The following TASP1 variants were observed in gnomAD, a reference collection of about 807,000 sequenced individuals.
TASP1 encodes the protein threonine aspartase 1.
In TASP1, 16 loss-of-function variants were observed where a neutral mutation model predicts 56.6. The ratio of observed to expected loss-of-function variants is 0.28; its 90% confidence interval spans 0.19 to 0.43. The LOEUF is 0.43. TASP1 is among the 20% of genes least tolerant of loss of function. TASP1 has a pLI of 1.00. For missense variants in TASP1, 393 were observed against 511.6 expected, an observed-to-expected ratio of 0.77 and a Z score of 2.24; for synonymous variants, 179 against 184.2, an observed-to-expected ratio of 0.97 and a Z score of 0.23.
At chr20:13,358,860 G>A in the TASP1 span, among the ~76,000 whole-genome samples, 3 of 151,548 alleles carry the variant, frequency 2.0e-5, no homozygotes, top group African/African-American at 7.3e-5. Context: ...CTTTTCTGGG[G>A]AAGGGGCAAG....
the TASP1 span, among the ~76,000 whole-genome samples, chr20:13,322,208 A>G: frequency 1.8e-4 from 27 of 152,244 alleles, no homozygotes; most frequent in African/African-American, 6.5e-4. Context: ...ACAGCTTTTT[A>G]GGTCCAAGCA....
At chr20:13,545,217 C>G (rs1016921745) in intron 8 of TASP1, among the ~76,000 whole-genome samples, 7 of 152,008 alleles carry the variant, frequency 4.6e-5, no homozygotes, top group African/African-American at 1.7e-4. Context: ...CTCAATAGAT[C>G]TTATTAGAAA....
At chr20:13,432,775 A>T (rs1409462929) in intron 12 of TASP1, among the ~76,000 whole-genome samples, 1 of 152,194 alleles carries the variant, frequency 6.6e-6, no homozygotes, top group Non-Finnish European at 1.5e-5. Context: ...CTTATCCTTA[A>T]ATATGCATTT....
At chr20:13,118,647 T>G in the TASP1 span, among the ~76,000 whole-genome samples, 8 of 152,048 alleles carry the variant, frequency 5.3e-5, no homozygotes, top group African/African-American at 1.9e-4. Flanking sequence ...AGAGCAGATG[T>G]GACAGTGATG....
At chr20:13,332,538 C>T in the TASP1 span, among the ~76,000 whole-genome samples, 1 of 152,176 alleles carries the variant, frequency 6.6e-6, no homozygotes, top group Non-Finnish European at 1.5e-5. Context: ...GGATCTATAG[C>T]TCATACATGT....
chr20:13,504,417 C>G (rs2044056005), intron 10 of TASP1, among the ~76,000 whole-genome samples: 1 of 151,854 alleles, frequency 6.6e-6, no homozygotes, highest in South Asian at 2.1e-4. Flanking sequence ...GAAAAACAAA[C>G]TTAAAGGAGT....
At chr20:13,167,905 T>G in the TASP1 span, 1 of 152,198 alleles carries the variant, frequency 6.6e-6, no homozygotes, top group Non-Finnish European at 1.5e-5. Context: ...ATAAACCAAT[T>G]GACTCTAATA....
At chr20:13,330,042 T>C in the TASP1 span, among the ~76,000 whole-genome samples, 1 of 152,034 alleles carries the variant, frequency 6.6e-6, no homozygotes, top group Admixed American at 6.5e-5. Context: ...CTGCAACCTC[T>C]GCCTCCTAAA....
the TASP1 span, among the ~76,000 whole-genome samples, chr20:13,310,396 T>C: frequency 1.5e-4 from 23 of 152,270 alleles, no homozygotes; most frequent in African/African-American, 4.6e-4. Context: ...AATTGGACTC[T>C]TATCTCACCC....
the TASP1 span, among the ~76,000 whole-genome samples, chr20:13,283,985 C>T: frequency 6.6e-6 from 1 of 152,192 alleles, no homozygotes; most frequent in Non-Finnish European, 1.5e-5. Context: ...ACGGTGGGAG[C>T]AGACAGATCT....
At chr20:13,272,510 T>G in the TASP1 span, among the ~76,000 whole-genome samples, 1 of 152,242 alleles carries the variant, frequency 6.6e-6, no homozygotes, top group African/African-American at 2.4e-5. Flanking sequence ...AAAAGCACTG[T>G]GTCCCAAGGG....
chr20:13,262,594 G>A, the TASP1 span, among the ~76,000 whole-genome samples: 14 of 151,938 alleles, frequency 9.2e-5, no homozygotes, highest in East Asian at 3.9e-4. Context: ...AAAAGAAATC[G>A]GTCCTGGAAA....
chr20:13,231,959 C>G, the TASP1 span, among the ~76,000 whole-genome samples: 1 of 152,132 alleles, frequency 6.6e-6, no homozygotes, highest in African/African-American at 2.4e-5. Flanking sequence ...TGTCCAAAAT[C>G]TGTATGAAGA....
chr20:13,366,346 G>T, the TASP1 span, among the ~76,000 whole-genome samples: 3 of 152,134 alleles, frequency 2.0e-5, no homozygotes, highest in African/African-American at 7.2e-5. Context: ...AACCATCAAA[G>T]GATACTGAGA....
At chr20:13,555,817 C>A (rs1197991223) in intron 8 of TASP1, among the ~76,000 whole-genome samples, 1 of 152,102 alleles carries the variant, frequency 6.6e-6, no homozygotes, top group African/African-American at 2.4e-5. Flanking sequence ...TCTATGGCAG[C>A]CTTAGCCTTA....
chr20:13,265,663 G>T, the TASP1 span, among the ~76,000 whole-genome samples: 1 of 152,122 alleles, frequency 6.6e-6, no homozygotes, highest in Non-Finnish European at 1.5e-5. Context: ...AAAACCTCTT[G>T]CAATTGTGAT....
chr20:13,405,607 C>G (rs979963236), intron 13 of TASP1, among the ~76,000 whole-genome samples: 1 of 152,004 alleles, frequency 6.6e-6, no homozygotes, highest in Non-Finnish European at 1.5e-5. Flanking sequence ...GGTGCAGTGG[C>G]GTGATCTCGG....
chr20:13,223,765 C>G, the TASP1 span, among the ~76,000 whole-genome samples: 1 of 152,126 alleles, frequency 6.6e-6, no homozygotes, highest in East Asian at 1.9e-4. Flanking sequence ...ACCCACCAAT[C>G]TAACACTGCG....
intron 8 of TASP1, among the ~76,000 whole-genome samples, chr20:13,536,484 A>G (rs1568557109): frequency 6.6e-6 from 1 of 152,228 alleles, no homozygotes; most frequent in African/African-American, 2.4e-5. Flanking sequence ...TTACACTTTG[A>G]ATAGCAAACA....
Sources: gnomAD v4.1 joint callset for allele counts (sites outside exome capture counted in the v4.1 genomes callset) on GRCh38, gnomAD v4.1.1 for gene constraint, MANE v1.5 for transcripts, NCBI Gene and HGNC (gene_info 2026-07-23, HGNC 2026-07-21) for gene names.